The following AARS1 variants were observed in gnomAD, a reference collection of about 807,000 sequenced individuals.
AARS1 encodes the protein alanyl-tRNA synthetase 1.
A neutral mutation model predicts 108.9 loss-of-function variants in AARS1; 72 were observed. The observed-to-expected ratio is 0.66, with a 90% CI of 0.55 to 0.80. The LOEUF is 0.80. Among genes scored for constraint, AARS1 ranks in the 30% least tolerant of loss-of-function variants. The pLI, the probability that AARS1 is intolerant of heterozygous loss-of-function variation, is 0.00. For missense variants in AARS1, 1,193 were observed against 1,233.2 expected (o/e 0.97, Z 0.49); for synonymous variants, 489 against 465.7 (o/e 1.05, Z -0.64).
chr16:70,276,663 C>G (rs1274167804), intron 3 of AARS1, 32 bp from the exon 4 acceptor site: 6 of 1,611,908 alleles, frequency 3.7e-6, no homozygotes, highest in Non-Finnish European at 5.1e-6. Flanking sequence ...AGATATGGAA[C>G]ATTGCCAAAC....
intron 13 of AARS1, among the ~76,000 whole-genome samples, chr16:70,260,158 A>C (rs1333552884): frequency 6.6e-6 from 1 of 152,244 alleles, no homozygotes; most frequent in East Asian, 1.9e-4. Flanking sequence ...AGAGCTGAGT[A>C]CTCATCACCA....
intron 1 of AARS1, among the ~76,000 whole-genome samples, chr16:70,286,644 T>C (rs1242662748): frequency 6.7e-6 from 1 of 149,588 alleles, no homozygotes; most frequent in African/African-American, 2.5e-5. Flanking sequence ...AAGACCATCC[T>C]GGCTAACACG....
In AARS1 at chr16:70,268,509, C is replaced by T. The variant is rs536090753; in HGVS notation, c.963-130G>A. The T allele has an allele frequency of 4.3e-5, 30 of 701,244 alleles. 1 individual carries two copies. The South Asian group carries it at 4.8e-4, about 11-fold the overall frequency. The allele number at this position is 701,244 out of a possible 1,614,324, so 43.4% of individuals were successfully genotyped here. A position where few individuals can be genotyped will look rare whatever the true frequency, so the allele number is the denominator to read the frequency against. ...ATCCTAAGCCTGCTTCTTTCGCATT[C>T]CCCAAGGTCATTAATTTTAGCACAA... On this transcript the variant is annotated intron_variant, in intron 7 of 20. Coordinates refer to ENST00000261772, the MANE Select transcript of AARS1 (RefSeq NM_001605.3).
rs142903433 is a variant in AARS1 at position 70,282,599 on chromosome 16, G to T, written c.144+21C>A. 1,184 of 1,613,774 alleles carry T rather than the reference G, an allele frequency of 7.3e-4. 13 individuals are homozygous for T. In the African/African-American group the frequency reaches 0.014, roughly 18 times the overall value. ...GCCTCTTATGTGAACCAAAAGCCAAGAAAAAAGGAAAAACCCTTACCTGGT... is the reference window on the plus strand; with the variant it reads ...GCCTCTTATGTGAACCAAAAGCCAATAAAAAAGGAAAAACCCTTACCTGGT... On this transcript the variant is annotated intron_variant, in intron 2 of 20. Coordinates refer to ENST00000261772, the MANE Select transcript of AARS1 (RefSeq NM_001605.3).
In AARS1 at chr16:70,258,192, A is replaced by T. The variant is rs1960039378; in HGVS notation, c.2018T>A (p.Leu673Gln). Residue 673 changes from leucine (L) to glutamine (Q), a missense_variant, in exon 15 of 21, where the codon CTG becomes CAG. Leu to Gln is a moderately radical substitution (Grantham distance 113). Transcript: ENST00000261772. ...AKAVYTQDCP[L>Q]AAAKAIQGLR... ...GCCCTGGATGGCTTTCGCTGCTGCC[A>T]GGGGGCAATCCTGGGTATAGACGGC... 1 of 1,601,532 alleles carries T rather than the reference A, an allele frequency of 6.2e-7. No individual in the cohort carries two copies. The highest frequency in any genetic ancestry group is 8.5e-7 in the Non-Finnish European group (1 of 1,173,428).
At chr16:70,275,448 T>C (rs1445420560) in intron 4 of AARS1, among the ~76,000 whole-genome samples, 1 of 151,484 alleles carries the variant, frequency 6.6e-6, no homozygotes, top group Non-Finnish European at 1.5e-5. Flanking sequence ...ACCCAGTCTC[T>C]ACTAAAAAAT....
At chr16:70,265,168 A>T in intron 10 of AARS1, 66 bp from the exon 11 acceptor site, 2 of 1,589,926 alleles carry the variant, frequency 1.3e-6, no homozygotes, top group Non-Finnish European at 1.7e-6. Context: ...AAAGGACTGG[A>T]ACTTGCTAAA....
chr16:70,272,337 TCTA>T (rs1960426665), intron 4 of AARS1, among the ~76,000 whole-genome samples: 1 of 151,138 alleles, frequency 6.6e-6, no homozygotes, highest in Admixed American at 6.6e-5. Flanking sequence ...AAACCTTGTC[TCTA>T]CTAAAAATAC....
intron 2 of AARS1, among the ~76,000 whole-genome samples, chr16:70,279,670 CAA>C (rs367753826): frequency 2.1e-4 from 24 of 114,580 alleles, no homozygotes; most frequent in Admixed American, 5.0e-4. Context: ...CAAAAAAAAA[CAA>C]AAAAAAAAAA....
chr16:70,275,798 G>A (rs1960533147), intron 4 of AARS1, among the ~76,000 whole-genome samples: 1 of 151,298 alleles, frequency 6.6e-6, no homozygotes, highest in South Asian at 2.1e-4. Context: ...TTAGCTGGGT[G>A]TGGTGGCAGG....
chr16:70,275,451 T>TAA (rs974243722), intron 4 of AARS1, among the ~76,000 whole-genome samples: 3 of 151,184 alleles, frequency 2.0e-5, no homozygotes, highest in Non-Finnish European at 4.4e-5. Context: ...CAGTCTCTAC[T>TAA]AAAAAATATA....
At chr16:70,286,485 G>C (rs1042841612) in intron 1 of AARS1, among the ~76,000 whole-genome samples, 1 of 151,016 alleles carries the variant, frequency 6.6e-6, no homozygotes, top group Non-Finnish European at 1.5e-5. Flanking sequence ...CTCAGCCTCC[G>C]GAGTAGCTAG....
chr16:70,271,669 A>C, intron 5 of AARS1, 112 bp downstream of exon 5: 2 of 1,075,440 alleles, frequency 1.9e-6, no homozygotes, highest in South Asian at 1.3e-5. Context: ...TCAGACAGGT[A>C]ATCTGAGAAA....
At chr16:70,274,072 A>G (rs989670031) in intron 4 of AARS1, among the ~76,000 whole-genome samples, 11 of 151,156 alleles carry the variant, frequency 7.3e-5, no homozygotes, top group African/African-American at 2.4e-4. Context: ...GTGGTGGCTC[A>G]TGCCTGTAAT....
chr16:70,268,247 G>A (rs754589476), intron 8 of AARS1, 24 bp downstream of exon 8: 4 of 1,600,358 alleles, frequency 2.5e-6, no homozygotes, highest in South Asian at 1.1e-5. Context: ...TAGCACAGAA[G>A]GGTAAGCAGA....
chr16:70,275,000 C>G (rs1251520821), intron 4 of AARS1, among the ~76,000 whole-genome samples: 1 of 151,968 alleles, frequency 6.6e-6, no homozygotes, highest in African/African-American at 2.4e-5. Flanking sequence ...TGGCTCACAT[C>G]TGTAATCCTA....
Position 70,289,226 on chromosome 16 carries a change from G to T in AARS1, c.-22+195C>A, listed in dbSNP as rs184757578. On this transcript the variant is annotated intron_variant, in intron 1 of 20. Coordinates refer to ENST00000261772, the MANE Select transcript of AARS1 (RefSeq NM_001605.3). ...GTATTGGTGCTCAGCAAATCCACCC[G>T]AGGCCGCGACACTCGCAGCGCTCCC... 6.6e-5 allele frequency among the ~76,000 whole-genome samples: 10 copies of T among 151,046 alleles called. No homozygotes were observed. The East Asian group carries it at 2.0e-3, about 30-fold the overall frequency.
chr16:70,258,191 CA>C lies in AARS1; in HGVS notation c.2018del (p.Leu673ArgfsTer45). 1.9e-6 allele frequency: 3 copies of C among 1,601,762 alleles called. No individual in the cohort carries two copies. The highest frequency in any genetic ancestry group is 2.6e-6 in the Non-Finnish European group (3 of 1,173,558). ...AKAVYTQDCP[L>X]AAAKAIQGLR... ...GGCCCTGGATGGCTTTCGCTGCTGC[CA>C]GGGGGCAATCCTGGGTATAGACGGC... is the stretch of plus-strand genomic sequence containing the variant. On this transcript the variant is annotated frameshift_variant, in exon 15 of 21. Coordinates refer to ENST00000261772, the MANE Select transcript of AARS1 (RefSeq NM_001605.3). LOFTEE classifies it high-confidence loss of function.
intron 9 of AARS1, 97 bp downstream of exon 9, chr16:70,267,562 G>C (rs1180852126): frequency 1.4e-6 from 2 of 1,464,812 alleles, no homozygotes; most frequent in Non-Finnish European, 1.9e-6. Context: ...TTCAGCCTCA[G>C]AGACATGAGA....
Sources: allele counts gnomAD v4.1 joint callset (sites outside exome capture counted in the v4.1 genomes callset), GRCh38; gene constraint gnomAD v4.1.1; transcripts MANE v1.5; gene names NCBI Gene and HGNC (gene_info 2026-07-23, HGNC 2026-07-21).